The following RECQL variants were observed in gnomAD, a reference collection of about 807,000 sequenced individuals.
RECQL encodes the protein RecQ like helicase.
RECQL carries 73 observed loss-of-function variants against 75.8 expected under a neutral mutation model. That is an observed-to-expected ratio of 0.96 (90% CI 0.80 to 1.17). RECQL has a LOEUF of 1.17. Among genes scored for constraint, RECQL ranks in the 50% most tolerant of loss-of-function variants. The pLI, the probability that RECQL is intolerant of heterozygous loss-of-function variation, is 0.00. For missense variants in RECQL, 699 were observed against 772.1 expected, an observed-to-expected ratio of 0.91 and a Z score of 1.12; for synonymous variants, 248 against 254.4, an observed-to-expected ratio of 0.97 and a Z score of 0.24.
chr12:21,499,409 C>T, intron 2 of RECQL, 146 bp downstream of exon 2: 1 of 698,050 alleles, frequency 1.4e-6, no homozygotes, highest in Non-Finnish European at 2.4e-6. Flanking sequence ...GTTAGCATGG[C>T]AAAGTTTGTA....
intron 1 of RECQL, among the ~76,000 whole-genome samples, 159 bp from the exon 2 acceptor site, chr12:21,499,774 AC>A (rs1317725057): frequency 6.6e-6 from 1 of 152,228 alleles, no homozygotes; most frequent in African/African-American, 2.4e-5. Context: ...GGTTCTTTTG[AC>A]ACTAATTTTT....
chr12:21,470,274 G>A lies in RECQL; in HGVS notation c.1870C>T (p.Gln624Ter), dbSNP rs1266846309. 6.2e-7 allele frequency: 1 copy of A among 1,607,552 alleles called. No homozygotes were observed. The highest frequency in any genetic ancestry group is 2.2e-5 in the East Asian group (1 of 44,648). The change falls in exon 15 of 15, where the codon CAG becomes TAG. Residue 624 changes from glutamine to a stop codon, truncating the protein, a stop_gained. Coordinates refer to ENST00000444129, the MANE Select transcript of RECQL (RefSeq NM_002907.4). LOFTEE classifies it high-confidence loss of function. Reference sequence around the variant, plus strand: ...TGAAGCATGTTTGCAGCCTTCTTCTGGAAGTTGCCTGAATTTTTTTCCTCC... The same window carrying A: ...TGAAGCATGTTTGCAGCCTTCTTCTAGAAGTTGCCTGAATTTTTTTCCTCC... ...KMEEKNSGNFQKKAANMLQQS... is the reference protein window; with the variant it reads ...KMEEKNSGNF
intron 12 of RECQL, among the ~76,000 whole-genome samples, chr12:21,473,036 A>C (rs1370373353): frequency 6.6e-6 from 1 of 152,118 alleles, no homozygotes; most frequent in Non-Finnish European, 1.5e-5. Context: ...TTTGTTTCAA[A>C]ACTTCATGTT....
At chr12:21,489,874 G>C (rs1194615883) in intron 4 of RECQL, among the ~76,000 whole-genome samples, 3 of 152,260 alleles carry the variant, frequency 2.0e-5, no homozygotes, top group Non-Finnish European at 2.9e-5. Context: ...TCCTCCTTTA[G>C]GGAGAGAGGA....
At chr12:21,472,130 T>G (rs73082652) in intron 12 of RECQL, among the ~76,000 whole-genome samples, 2,369 of 152,208 alleles carry the variant, frequency 0.016, 25 homozygotes, top group Middle Eastern at 0.051. Context: ...CATAAATTTC[T>G]CTGTCTGCAA....
Position 21,481,761 on chromosome 12 carries a change from A to G in RECQL, c.700+1615T>C, listed in dbSNP as rs193037810. On this transcript the variant is annotated intron_variant, in intron 6 of 14. Coordinates refer to ENST00000444129, the MANE Select transcript of RECQL (RefSeq NM_002907.4). ...GAGGTCAGAACCCTAGGGAACACTAATATTTAAAAAGAAGACAGGAAGAGC... is the reference window on the plus strand; with the variant it reads ...GAGGTCAGAACCCTAGGGAACACTAGTATTTAAAAAGAAGACAGGAAGAGC... Among the ~76,000 whole-genome samples the G allele has an allele frequency of 2.6e-5, 4 of 152,344 alleles. No individual in the cohort carries two copies. The East Asian group carries it at 5.8e-4, about 22-fold the overall frequency.
chr12:21,475,685 A>G lies in RECQL; in HGVS notation c.1089T>C (p.Asn363=), dbSNP rs767343940. ...AAGATATAGACCTAACCTGAATTTC[A>G]TTGGCTGACCATTTTCTATGAACTG... ...KTTVHRKWSA[N]EIQVVVATVA... The change falls in exon 9 of 15, where the codon AAT becomes AAC. Residue 363 remains asparagine, a synonymous_variant. Transcript: ENST00000444129. The G allele has an allele frequency of 3.7e-6, 6 of 1,613,208 alleles. No homozygotes were observed. The highest frequency in any genetic ancestry group is 1.1e-5 in the South Asian group (1 of 91,036).
Position 21,490,274 on chromosome 12 carries a change from T to G in RECQL, c.319A>C (p.Lys107Gln). The change falls in exon 4 of 15, where the codon AAG (lysine) becomes CAG (glutamine). Residue 107 changes from lysine (K) to glutamine (Q), a missense_variant. Transcript: ENST00000444129. ...GTAGGCATAACAAGAAATACCTCCT[T>G]TCCAGCCATTGTTACGTTAATAGTT... is the stretch of plus-strand genomic sequence containing the variant. ...LETINVTMAG[K>Q]EVFLVMPTGG... 6.2e-7 allele frequency: 1 copy of G among 1,613,070 alleles called. No individual in the cohort carries two copies. Among genetic ancestry groups the G allele is most frequent in the Non-Finnish European group, 8.5e-7 (1 of 1,179,200 alleles).
intron 5 of RECQL, 113 bp from the exon 6 acceptor site, chr12:21,483,687 T>C (rs1943236645): frequency 2.7e-6 from 2 of 729,718 alleles, no homozygotes; most frequent in Admixed American, 3.5e-5. Flanking sequence ...CCTTTGGCTC[T>C]TCTAGGAGCA....
chr12:21,471,670 GC>G (rs1942969511), intron 12 of RECQL, 23 bp from the exon 13 acceptor site: 1 of 1,577,900 alleles, frequency 6.3e-7, no homozygotes, highest in African/African-American at 1.3e-5. Flanking sequence ...AAATATGGTA[GC>G]AGGTAATTAG....
intron 12 of RECQL, among the ~76,000 whole-genome samples, chr12:21,472,251 G>A (rs1286553438): frequency 1.3e-5 from 2 of 152,038 alleles, no homozygotes; most frequent in African/African-American, 4.8e-5. Flanking sequence ...ATGAAAAAAA[G>A]TTAAAATATA....
rs1943307894 is a variant in RECQL, at chr12:21,486,656, CGTTTTTTTTTTTTTTTT to C, written c.395-88_395-72del. ...CTCAGAATCAGATGCAAACCATTCACGTTTTTTTTTTTTTTTTTTTTTTTTTTTTTTAGAGATGGAGT... is the reference window on the plus strand; with the variant it reads ...CTCAGAATCAGATGCAAACCATTCACTTTTTTTTTTTTTTAGAGATGGAGT... On this transcript the variant is annotated intron_variant, in intron 4 of 14. Coordinates refer to ENST00000444129, the MANE Select transcript of RECQL (RefSeq NM_002907.4). 2.6e-4 allele frequency: 41 copies of C among 158,258 alleles called. 1 individual carries two copies. The highest frequency in any genetic ancestry group is 4.5e-4 in the East Asian group (2 of 4,396). The allele number at this position is 158,258 out of a possible 1,614,324, so 9.8% of individuals were successfully genotyped here.
intron 8 of RECQL, 111 bp downstream of exon 8, chr12:21,476,800 T>C (rs1214226154): frequency 1.8e-6 from 1 of 549,072 alleles, no homozygotes; most frequent in African/African-American, 2.0e-5. Flanking sequence ...TCTTCTGCTA[T>C]ACATTAATTT....
At position 21,477,034 on chromosome 12, in the gene RECQL, C is replaced by G. The variant is rs756442339; in HGVS notation, c.868-42G>C. 7.8e-6 allele frequency: 11 copies of G among 1,402,962 alleles called. No individual in the cohort carries two copies. In the South Asian group the frequency reaches 1.1e-4, roughly 14 times the overall value. 86.9% of individuals were successfully genotyped at this position (1,402,962 alleles called of 1,614,324 possible). On this transcript the variant is annotated intron_variant, in intron 7 of 14. Coordinates refer to ENST00000444129, the MANE Select transcript of RECQL (RefSeq NM_002907.4). ...TTATTAAAAAGTAAATGAATGAGTA[C>G]CATCCAAGTGGCTGTCTATGTACAA...
chr12:21,477,345 A>G (rs969372660), intron 7 of RECQL, among the ~76,000 whole-genome samples: 1 of 152,210 alleles, frequency 6.6e-6, no homozygotes, highest in Admixed American at 6.5e-5. Flanking sequence ...AAAAGGGTTT[A>G]GAAAGAAAGA....
At chr12:21,476,685 A>C (rs559263533) in intron 8 of RECQL, among the ~76,000 whole-genome samples, 1 of 152,274 alleles carries the variant, frequency 6.6e-6, no homozygotes, top group African/African-American at 2.4e-5. Context: ...GTAAATAAGC[A>C]AAAATAAATC....
In RECQL at chr12:21,491,710, G is replaced by GT; in HGVS notation, c.22dup (p.Thr8AsnfsTer2). On this transcript the variant is annotated frameshift_variant, in exon 3 of 15. Coordinates refer to ENST00000444129, the MANE Select transcript of RECQL (RefSeq NM_002907.4). LOFTEE classifies it high-confidence loss of function. ...ACTGGTTATAGAATCCAGTTCCTCA[G>GT]TTAGAGCTATGGGAGGCAGCGCGGA... is the stretch of plus-strand genomic sequence containing the variant. 1 of 1,610,298 alleles carries GT rather than the reference G, an allele frequency of 6.2e-7. No homozygotes were observed. Among genetic ancestry groups the GT allele is most frequent in the Non-Finnish European group, 8.5e-7 (1 of 1,178,686 alleles).
At chr12:21,488,902 T>A (rs775533725) in intron 4 of RECQL, among the ~76,000 whole-genome samples, 1 of 152,250 alleles carries the variant, frequency 6.6e-6, no homozygotes, top group Non-Finnish European at 1.5e-5. Flanking sequence ...GACTGCCACA[T>A]AGAAATTCCT....
intron 4 of RECQL, among the ~76,000 whole-genome samples, chr12:21,487,494 T>C (rs950739777): frequency 1.3e-5 from 2 of 152,234 alleles, no homozygotes; most frequent in African/African-American, 2.4e-5. Context: ...AAATTATATA[T>C]GGCTTTACGT....
Sources: gnomAD v4.1 joint callset for allele counts (sites outside exome capture counted in the v4.1 genomes callset) on GRCh38, gnomAD v4.1.1 for gene constraint, MANE v1.5 for transcripts, NCBI Gene and HGNC (gene_info 2026-07-23, HGNC 2026-07-21) for gene names.